DAGLB: variants seen among roughly 807,000 people sequenced by gnomAD.
DAGLB encodes the protein diacylglycerol lipase-beta.
Under a neutral mutation model 72.1 loss-of-function variants are expected in DAGLB, and 66 were observed. That is an observed-to-expected ratio of 0.92 (90% CI 0.75 to 1.12). The LOEUF is 1.12. Among genes scored for constraint, DAGLB ranks in the 50% most tolerant of loss-of-function variants. DAGLB has a pLI of 0.00. For missense variants in DAGLB, 1,065 were observed against 884.9 expected, an observed-to-expected ratio of 1.20 and a Z score of -2.58; for synonymous variants, 414 against 359.5, an observed-to-expected ratio of 1.15 and a Z score of -1.71.
intron 13 of DAGLB, among the ~76,000 whole-genome samples, chr7:6,410,880 A>T (rs863210): frequency 0.015 from 1,473 of 98,058 alleles, 32 homozygotes; most frequent in African/African-American, 0.044. Context: ...AATTTTTTGT[A>T]TTTTTTTTTT....
At chr7:6,412,621 T>C (rs565465096) in intron 13 of DAGLB, 190 bp downstream of exon 13, 20 of 658,612 alleles carry the variant, frequency 3.0e-5, no homozygotes, top group Non-Finnish European at 5.3e-5. Context: ...TTTCCCGCAC[T>C]TGCTGCAGCC....
At chr7:6,416,520 G>A (rs1783922059) in intron 11 of DAGLB, 107 bp downstream of exon 11, 1 of 1,486,348 alleles carries the variant, frequency 6.7e-7, no homozygotes, top group Admixed American at 2.3e-5. Flanking sequence ...TCCAGCCTGG[G>A]CGACAGAGCA....
At chr7:6,422,956 C>T (rs192140112) in intron 8 of DAGLB, among the ~76,000 whole-genome samples, 23 of 152,338 alleles carry the variant, frequency 1.5e-4, no homozygotes, top group African/African-American at 5.5e-4. Context: ...CTGAGCAGGA[C>T]GGTAAGATCC....
chr7:6,424,921 G>A, intron 7 of DAGLB, 86 bp from the exon 8 acceptor site: 2 of 1,327,080 alleles, frequency 1.5e-6, no homozygotes. Flanking sequence ...TGTCTGCAAT[G>A]ACAGCCCAAG....
chr7:6,410,219 G>C lies in DAGLB; in HGVS notation c.1731C>G (p.Ser577Arg), dbSNP rs559048976. The change falls in exon 14 of 15, where the codon AGC becomes AGG. Residue 577 changes from serine to arginine, a missense_variant. Ser to Arg is a moderately radical substitution (Grantham distance 110). Coordinates refer to ENST00000297056, the MANE Select transcript of DAGLB (RefSeq NM_139179.4). ...TGGGAGAAGAGTCCAGTGGGGAGTCGCTGGAGAAGCTGTAGGCCGGGGACC... is the reference window on the plus strand; with the variant it reads ...TGGGAGAAGAGTCCAGTGGGGAGTCCCTGGAGAAGCTGTAGGCCGGGGACC... ...TRWSPAYSFSSDSPLDSSPKY... is the reference protein window; with the variant it reads ...TRWSPAYSFSRDSPLDSSPKY... 4 of 1,609,526 alleles carry C rather than the reference G, an allele frequency of 2.5e-6. No individual in the cohort carries two copies. Among genetic ancestry groups the C allele is most frequent in the Non-Finnish European group, 3.4e-6 (4 of 1,177,730 alleles).
intron 5 of DAGLB, among the ~76,000 whole-genome samples, chr7:6,431,540 G>T (rs758176159): frequency 2.0e-5 from 3 of 152,212 alleles, no homozygotes; most frequent in Non-Finnish European, 4.4e-5. Context: ...GGGGGGCCAA[G>T]GCCGGCAAAT....
intron 2 of DAGLB, among the ~76,000 whole-genome samples, chr7:6,443,780 G>A (rs1020126420): frequency 1.3e-5 from 2 of 152,052 alleles, no homozygotes; most frequent in Admixed American, 6.6e-5. Context: ...AAAACATGGC[G>A]GATGGTGGCA....
intron 2 of DAGLB, among the ~76,000 whole-genome samples, chr7:6,443,249 T>TAAAAAAA (rs60124255): frequency 1.7e-4 from 13 of 78,176 alleles, no homozygotes; most frequent in Non-Finnish European, 3.3e-4. Flanking sequence ...TTGTCTCTAC[T>TAAAAAAA]AAAAAAAAAA....
intron 13 of DAGLB, 75 bp downstream of exon 13, chr7:6,412,736 T>C: frequency 6.6e-7 from 1 of 1,515,422 alleles, no homozygotes; most frequent in Non-Finnish European, 9.0e-7. Flanking sequence ...AGGGTGCAAT[T>C]CCTCCCGGCT....
rs765010300 is a variant in DAGLB, at chr7:6,409,915, G to C, written c.1941C>G (p.Ala647=). Residue 647 remains alanine, a synonymous_variant, in exon 15 of 15, where the codon GCC becomes GCG. Coordinates refer to ENST00000297056, the MANE Select transcript of DAGLB (RefSeq NM_139179.4). The part of the protein sequence containing the change: ...TDHMPDILMR[A]LDSVVSDRAA... ...CTCTGTCGGAGACCACGCTGTCCAAGGCCCGCATCAGGATGTCTGGCATGT... is the reference window on the plus strand; with the variant it reads ...CTCTGTCGGAGACCACGCTGTCCAACGCCCGCATCAGGATGTCTGGCATGT... 4 of 1,614,130 alleles carry C rather than the reference G, an allele frequency of 2.5e-6. No individual in the cohort carries two copies. In the South Asian group the frequency reaches 3.3e-5, roughly 13 times the overall value.
chr7:6,420,993 G>A (rs567096828), intron 9 of DAGLB, among the ~76,000 whole-genome samples: 2 of 152,204 alleles, frequency 1.3e-5, no homozygotes, highest in African/African-American at 4.8e-5. Context: ...TCTTCACCAT[G>A]AGAATGTACT....
intron 11 of DAGLB, among the ~76,000 whole-genome samples, chr7:6,414,323 T>C (rs1783832473): frequency 1.3e-5 from 2 of 151,344 alleles, no homozygotes; most frequent in South Asian, 4.2e-4. Context: ...TTTTTTTTTT[T>C]TTCTTTTGAG....
intron 13 of DAGLB, 133 bp downstream of exon 13, chr7:6,412,678 G>A (rs1490871428): frequency 9.9e-7 from 1 of 1,012,024 alleles, no homozygotes; most frequent in Non-Finnish European, 1.5e-6. Flanking sequence ...AATCTGATCA[G>A]ATGGTGGAAG....
chr7:6,440,060 AAAAAAAAG>A (rs1377989070), intron 2 of DAGLB, among the ~76,000 whole-genome samples: 1 of 130,506 alleles, frequency 7.7e-6, no homozygotes. Context: ...TCAAAAAAAA[AAAAAAAAG>A]AAAGAAAAAG....
intron 7 of DAGLB, among the ~76,000 whole-genome samples, chr7:6,425,667 C>T (rs191362006): frequency 1.5e-4 from 23 of 152,194 alleles, no homozygotes; most frequent in African/African-American, 5.5e-4. Context: ...CAACCCAGGA[C>T]GACGATACGA....
At chr7:6,443,490 T>C (rs1784901727) in intron 2 of DAGLB, among the ~76,000 whole-genome samples, 1 of 152,128 alleles carries the variant, frequency 6.6e-6, no homozygotes, top group Admixed American at 6.6e-5. Context: ...CACAGAGCTC[T>C]GTTTTCTATG....
intron 11 of DAGLB, among the ~76,000 whole-genome samples, chr7:6,413,680 G>T (rs1783809470): frequency 1.3e-5 from 2 of 151,584 alleles, no homozygotes; most frequent in Admixed American, 1.3e-4. Flanking sequence ...AGGGGCAGAG[G>T]CAACAGGCGA....
chr7:6,415,637 G>A (rs1783883141), intron 11 of DAGLB, among the ~76,000 whole-genome samples: 1 of 151,444 alleles, frequency 6.6e-6, no homozygotes, highest in South Asian at 2.1e-4. Context: ...GAAGACAGGA[G>A]ATCGAGACCA....
At chr7:6,427,092 A>G (rs1422702532) in intron 6 of DAGLB, among the ~76,000 whole-genome samples, 1 of 152,238 alleles carries the variant, frequency 6.6e-6, no homozygotes, top group East Asian at 1.9e-4. Flanking sequence ...TAGGTGACAG[A>G]GTGAGACTCC....
Sources: allele counts gnomAD v4.1 joint callset (sites outside exome capture counted in the v4.1 genomes callset), GRCh38; gene constraint gnomAD v4.1.1; transcripts MANE v1.5; gene names NCBI Gene and HGNC (gene_info 2026-07-23, HGNC 2026-07-21).